Variants in MRPL13 observed in about 807,000 individuals in gnomAD.
MRPL13 encodes large ribosomal subunit protein uL13m.
In MRPL13, 33 loss-of-function variants were observed where a neutral mutation model predicts 29.0. The observed-to-expected ratio is 1.14, with a 90% CI of 0.86 to 1.52. The LOEUF is 1.52. Among genes scored for constraint, MRPL13 ranks in the 40% most tolerant of loss-of-function variants. The pLI is 0.00. For missense variants in MRPL13, 227 were observed against 216.7 expected (o/e 1.05, Z -0.30); for synonymous variants, 77 against 68.4 (o/e 1.13, Z -0.62).
At chr8:120,421,917 T>C (rs1350265976) in intron 4 of MRPL13, among the ~76,000 whole-genome samples, 2 of 151,732 alleles carry the variant, frequency 1.3e-5, no homozygotes, top group South Asian at 4.1e-4. Flanking sequence ...TGATATATAT[T>C]ATCAGGAGCC....
chr8:120,408,738 G>A (rs570820865), intron 6 of MRPL13, among the ~76,000 whole-genome samples: 10 of 152,314 alleles, frequency 6.6e-5, no homozygotes, highest in Non-Finnish European at 1.5e-4. Context: ...CTGATCTGAA[G>A]CATGTTTTAT....
At position 120,432,134 on chromosome 8, in the gene MRPL13, A is replaced by G; in HGVS notation, c.152-11T>C. 1 of 1,548,202 alleles carries G rather than the reference A, an allele frequency of 6.5e-7. No homozygotes were observed. The highest frequency in any genetic ancestry group is 2.1e-5 in the Admixed American group (1 of 47,788). ...GATCCCCACAGTCACCTACATTTTAAAAAGAAACAAGATTTTGTAAGAAAA... is the reference window on the plus strand; with the variant it reads ...GATCCCCACAGTCACCTACATTTTAGAAAGAAACAAGATTTTGTAAGAAAA... On this transcript the variant is annotated splice_polypyrimidine_tract_variant and intron_variant, in intron 2 of 6. Coordinates refer to ENST00000306185, the MANE Select transcript of MRPL13 (RefSeq NM_014078.6).
chr8:120,407,264 G>GATTTT (rs1466688757), intron 6 of MRPL13, among the ~76,000 whole-genome samples: 1 of 152,160 alleles, frequency 6.6e-6, no homozygotes, highest in African/African-American at 2.4e-5. Context: ...ACTTTTCGGA[G>GATTTT]ATTTTAGTTT....
chr8:120,431,574 A>G (rs1375059490), intron 3 of MRPL13, among the ~76,000 whole-genome samples: 1 of 152,164 alleles, frequency 6.6e-6, no homozygotes, highest in Non-Finnish European at 1.5e-5. Context: ...AAAATGGAGG[A>G]GAGTCACGTT....
At chr8:120,417,957 T>C (rs1812823667) in intron 5 of MRPL13, among the ~76,000 whole-genome samples, 1 of 152,092 alleles carries the variant, frequency 6.6e-6, no homozygotes, top group Non-Finnish European at 1.5e-5. Flanking sequence ...AATTTTAGCA[T>C]GATTAACATA....
At chr8:120,424,819 A>G (rs1812914392) in intron 4 of MRPL13, among the ~76,000 whole-genome samples, 1 of 152,120 alleles carries the variant, frequency 6.6e-6, no homozygotes, top group Admixed American at 6.6e-5. Flanking sequence ...TTTGTTTTTA[A>G]GAACTTTACT....
At chr8:120,428,611 C>T (rs1812960390) in intron 3 of MRPL13, among the ~76,000 whole-genome samples, 1 of 151,926 alleles carries the variant, frequency 6.6e-6, no homozygotes, top group South Asian at 2.1e-4. Flanking sequence ...GTCTAATATC[C>T]AGCATCATAA....
chr8:120,430,723 A>G (rs961785379), intron 3 of MRPL13, among the ~76,000 whole-genome samples: 2 of 152,180 alleles, frequency 1.3e-5, no homozygotes, highest in African/African-American at 4.8e-5. Flanking sequence ...CTGGTTTCCA[A>G]TGACTTGTAA....
At chr8:120,441,910 T>A (rs891319403) in intron 2 of MRPL13, among the ~76,000 whole-genome samples, 1 of 152,320 alleles carries the variant, frequency 6.6e-6, no homozygotes, top group Middle Eastern at 3.4e-3. Context: ...AAATATATGA[T>A]AAAATGTTAA....
chr8:120,397,419 T>G (rs538529367), intron 6 of MRPL13, among the ~76,000 whole-genome samples: 2 of 152,094 alleles, frequency 1.3e-5, no homozygotes, highest in Non-Finnish European at 2.9e-5. Flanking sequence ...CCTCACTGGA[T>G]TGGAAATCCA....
At chr8:120,422,587 A>C (rs1167442061) in intron 4 of MRPL13, among the ~76,000 whole-genome samples, 2 of 146,124 alleles carry the variant, frequency 1.4e-5, no homozygotes, top group Admixed American at 6.8e-5. Context: ...CATATATATA[A>C]ACATATATAA....
At position 120,413,894 on chromosome 8, in the gene MRPL13, T is replaced by C. The variant is rs915875780; in HGVS notation, c.515+97A>G. The C allele has an allele frequency of 3.9e-5, 52 of 1,345,086 alleles. 1 individual carries two copies. Among genetic ancestry groups the C allele is most frequent in the Middle Eastern group, 2.0e-4 (1 of 5,040 alleles). The allele number at this position is 1,345,086 out of a possible 1,614,324, so 83.3% of individuals were successfully genotyped here. A position where few individuals can be genotyped will look rare whatever the true frequency, so the allele number is the denominator to read the frequency against. On this transcript the variant is annotated intron_variant, in intron 6 of 6. Coordinates refer to ENST00000306185, the MANE Select transcript of MRPL13 (RefSeq NM_014078.6). ...GTTCCCAGGGGAGCAAAAAAATGAG[T>C]TCACTCTTCCCGCCCTCAAGGATCT... is the stretch of plus-strand genomic sequence containing the variant.
chr8:120,401,901 T>C (rs1812602065), intron 6 of MRPL13, among the ~76,000 whole-genome samples: 1 of 152,032 alleles, frequency 6.6e-6, no homozygotes, highest in African/African-American at 2.4e-5. Context: ...CCATTCACAA[T>C]TGCTACAAAA....
intron 6 of MRPL13, 32 bp downstream of exon 6, chr8:120,413,959 G>GA (rs750299378): frequency 3.4e-3 from 4,784 of 1,393,276 alleles, no homozygotes; most frequent in South Asian, 8.9e-3. Flanking sequence ...GATATCAAAA[G>GA]AAAAAAAAAC....
chr8:120,425,355 C>T lies in MRPL13; in HGVS notation c.257G>A (p.Gly86Glu), dbSNP rs61753788. The T allele has an allele frequency of 3.5e-3, 5,681 of 1,612,180 alleles. 20 individuals carry two copies. The highest frequency in any genetic ancestry group is 3.7e-3 in the Non-Finnish European group (4,331 of 1,178,644). ...VYSSHTGYPG[G>E]FRQVTAAQLH... is the part of the protein sequence containing the mutation. ...CTGAGCAGCTGTTACTTGTCTAAAT[C>T]CACCTGGGTAGCTGTTAAAAGGAGA... is the stretch of plus-strand genomic sequence containing the variant. Residue 86 changes from glycine to glutamate, a missense_variant, in exon 4 of 7, where the codon GGA becomes GAA. Gly to Glu is a moderately conservative substitution (Grantham distance 98, BLOSUM62 -2). Transcript: ENST00000306185.
chr8:120,422,507 C>T (rs1341525147), intron 4 of MRPL13, among the ~76,000 whole-genome samples: 2 of 149,948 alleles, frequency 1.3e-5, no homozygotes, highest in African/African-American at 4.9e-5. Context: ...AATTTTCCAT[C>T]TGTTTTCTAT....
At chr8:120,419,524 A>G (rs1812843323) in intron 5 of MRPL13, 1 of 162,564 alleles carries the variant, frequency 6.2e-6, no homozygotes, top group South Asian at 1.8e-4. Flanking sequence ...CTAAATTAAC[A>G]CTTTTTCATA....
intron 1 of MRPL13, among the ~76,000 whole-genome samples, 197 bp from the exon 2 acceptor site, chr8:120,443,505 A>C (rs1388899135): frequency 1.3e-5 from 2 of 152,152 alleles, no homozygotes; most frequent in East Asian, 3.8e-4. Context: ...TGTTTTTTCT[A>C]ATCATTCTGC....
intron 6 of MRPL13, among the ~76,000 whole-genome samples, chr8:120,408,608 G>A (rs1258821287): frequency 6.6e-6 from 1 of 152,186 alleles, no homozygotes; most frequent in Non-Finnish European, 1.5e-5. Context: ...GTTAAATTGT[G>A]TGGAGAAAAT....
Sources: allele counts gnomAD v4.1 joint callset (sites outside exome capture counted in the v4.1 genomes callset), GRCh38; gene constraint gnomAD v4.1.1; transcripts MANE v1.5; gene names NCBI Gene and HGNC (gene_info 2026-07-23, HGNC 2026-07-21).